The following NRG3 variants were observed in gnomAD, a reference collection of about 807,000 sequenced individuals.
The protein encoded by NRG3 is neuregulin 3.
A neutral mutation model predicts 66.9 loss-of-function variants in NRG3; 31 were observed. That is an observed-to-expected ratio of 0.46 (90% CI 0.35 to 0.63). The LOEUF (loss-of-function observed/expected upper bound fraction) is 0.63, where lower values mean the gene tolerates loss of function less well. Among genes scored for constraint, NRG3 ranks in the 20% least tolerant of loss-of-function variants. The probability of loss-of-function intolerance (pLI) is 0.00; values close to 1 mark genes in which losing one functional copy is unlikely to be tolerated. For missense variants in NRG3, 910 were observed against 878.9 expected, an observed-to-expected ratio of 1.04 and a Z score of -0.45; for synonymous variants, 393 against 359.4, an observed-to-expected ratio of 1.09 and a Z score of -1.06.
intron 1 of NRG3, among the ~76,000 whole-genome samples, chr10:82,109,272 A>G (rs957710909): frequency 2.0e-5 from 3 of 152,132 alleles, no homozygotes; most frequent in East Asian, 1.9e-4. Flanking sequence ...CTACAGGAAC[A>G]TGGTGAGTGA....
At chr10:82,149,001 G>C (rs749425079) in intron 1 of NRG3, among the ~76,000 whole-genome samples, 1 of 151,886 alleles carries the variant, frequency 6.6e-6, no homozygotes, top group Non-Finnish European at 1.5e-5. Context: ...CTGTCTACCC[G>C]GAATCAACTG....
At chr10:82,704,322 A>G (rs2056128030) in intron 2 of NRG3, among the ~76,000 whole-genome samples, 1 of 152,182 alleles carries the variant, frequency 6.6e-6, no homozygotes, top group Non-Finnish European at 1.5e-5. Flanking sequence ...TGCAAGGCCA[A>G]CATCTAAGTG....
chr10:82,739,334 GTTCT>G (rs2046509421), intron 3 of NRG3, among the ~76,000 whole-genome samples: 1 of 152,160 alleles, frequency 6.6e-6, no homozygotes, highest in Non-Finnish European at 1.5e-5. Context: ...AGAATTCTCT[GTTCT>G]TTCAATAGCT....
At chr10:82,982,075 C>G (rs1224202579) in intron 8 of NRG3, among the ~76,000 whole-genome samples, 1 of 152,244 alleles carries the variant, frequency 6.6e-6, no homozygotes, top group East Asian at 1.9e-4. Flanking sequence ...ACTAAATAAA[C>G]CACTAAATCA....
In NRG3 at chr10:82,983,070, T is replaced by C. The variant is rs544148912; in HGVS notation, c.1584-2028T>C. Reference sequence around the variant, plus strand: ...ATATTTGCACCTTTTTCCAACTGTTTAGACCCAAGTGTAAGAATTTTTACC... The same window carrying C: ...ATATTTGCACCTTTTTCCAACTGTTCAGACCCAAGTGTAAGAATTTTTACC... On this transcript the variant is annotated intron_variant, in intron 8 of 8. Coordinates refer to ENST00000372141, the MANE Select transcript of NRG3 (RefSeq NM_001010848.4). Among the ~76,000 whole-genome samples the C allele has an allele frequency of 4.6e-5, 7 of 152,322 alleles. No homozygotes were observed. The South Asian group carries it at 1.4e-3, about 32-fold the overall frequency.
chr10:82,954,519 G>A (rs117590614), intron 5 of NRG3, among the ~76,000 whole-genome samples: 35 of 151,942 alleles, frequency 2.3e-4, no homozygotes, highest in Non-Finnish European at 4.7e-4. Flanking sequence ...TTATCTTTCT[G>A]TCTACCAGCC....
At chr10:82,283,896 A>G (rs558163613) in intron 1 of NRG3, among the ~76,000 whole-genome samples, 15 of 152,308 alleles carry the variant, frequency 9.8e-5, no homozygotes, top group African/African-American at 3.1e-4. Context: ...GGTTTCTTGA[A>G]TGAGTGCATA....
At chr10:82,062,563 G>T (rs1044551346) in intron 1 of NRG3, among the ~76,000 whole-genome samples, 1 of 151,196 alleles carries the variant, frequency 6.6e-6, no homozygotes, top group Non-Finnish European at 1.5e-5. Context: ...CCAAGGTCAC[G>T]CTACTGCAGT....
At chr10:82,504,141 G>T (rs1047804688) in intron 2 of NRG3, among the ~76,000 whole-genome samples, 1 of 152,172 alleles carries the variant, frequency 6.6e-6, no homozygotes, top group Non-Finnish European at 1.5e-5. Flanking sequence ...TTGTGGTCTT[G>T]ATTCACCTTG....
intron 2 of NRG3, among the ~76,000 whole-genome samples, chr10:82,623,615 G>A (rs1731478736): frequency 6.6e-6 from 1 of 152,174 alleles, no homozygotes; most frequent in African/African-American, 2.4e-5. Flanking sequence ...TGTAGTACCT[G>A]TGAGACAGAA....
intron 1 of NRG3, among the ~76,000 whole-genome samples, chr10:82,264,325 G>C (rs1172654018): frequency 6.6e-6 from 1 of 152,130 alleles, no homozygotes; most frequent in Non-Finnish European, 1.5e-5. Context: ...TGAGTGCTGA[G>C]CAAGGGGGAA....
chr10:82,578,508 G>A (rs1006170015), intron 2 of NRG3, among the ~76,000 whole-genome samples: 2 of 151,360 alleles, frequency 1.3e-5, no homozygotes, highest in Admixed American at 1.3e-4. Flanking sequence ...ATTGCCCCTT[G>A]ATCTATAGTT....
At chr10:82,335,756 A>G (rs2082354265) in intron 1 of NRG3, among the ~76,000 whole-genome samples, 1 of 152,238 alleles carries the variant, frequency 6.6e-6, no homozygotes, top group African/African-American at 2.4e-5. Context: ...TCTTACATCA[A>G]TACCCTAGTG....
At chr10:82,203,651 T>C (rs2074964046) in intron 1 of NRG3, among the ~76,000 whole-genome samples, 1 of 152,164 alleles carries the variant, frequency 6.6e-6, no homozygotes, top group South Asian at 2.1e-4. Flanking sequence ...GCAAAATTAG[T>C]ACATTATAAT....
chr10:82,028,846 C>G (rs184340539), intron 1 of NRG3, among the ~76,000 whole-genome samples: 1 of 152,218 alleles, frequency 6.6e-6, no homozygotes, highest in Non-Finnish European at 1.5e-5. Context: ...GTGGAGCTCA[C>G]TCACAAATAC....
chr10:82,098,167 CATAT>C (rs60885865), intron 1 of NRG3, among the ~76,000 whole-genome samples: 3 of 149,706 alleles, frequency 2.0e-5, no homozygotes, highest in Non-Finnish European at 4.5e-5. Context: ...ATGTATATGT[CATAT>C]ATATATATAA....
intron 1 of NRG3, among the ~76,000 whole-genome samples, chr10:82,351,352 C>T (rs534510337): frequency 1.3e-5 from 2 of 152,242 alleles, no homozygotes; most frequent in East Asian, 1.9e-4. Context: ...CCATCCCCAC[C>T]GTGGATAGCA....
intron 2 of NRG3, among the ~76,000 whole-genome samples, chr10:82,384,567 A>G (rs1322584614): frequency 1.3e-5 from 2 of 152,162 alleles, no homozygotes; most frequent in Non-Finnish European, 2.9e-5. Context: ...GCTAAGGGTA[A>G]TGGCCTCCAG....
intron 2 of NRG3, among the ~76,000 whole-genome samples, chr10:82,448,108 C>T (rs549288732): frequency 1.3e-5 from 2 of 152,314 alleles, no homozygotes; most frequent in East Asian, 3.9e-4. Flanking sequence ...CTAAGAAATA[C>T]AGTGCTGCGG....
Sources: allele counts gnomAD v4.1 joint callset (sites outside exome capture counted in the v4.1 genomes callset), GRCh38; gene constraint gnomAD v4.1.1; transcripts MANE v1.5; gene names NCBI Gene and HGNC (gene_info 2026-07-23, HGNC 2026-07-21).